The following PARD3 variants were observed in gnomAD, a reference collection of about 807,000 sequenced individuals.
The protein encoded by PARD3 is par-3 family cell polarity regulator, also known as partitioning defective 3 homolog.
Under a neutral mutation model 155.4 loss-of-function variants are expected in PARD3, and 75 were observed. The observed-to-expected ratio is 0.48, with a 90% CI of 0.40 to 0.58. The LOEUF (loss-of-function observed/expected upper bound fraction) is 0.58, where lower values mean the gene tolerates loss of function less well. PARD3 is among the 20% of genes least tolerant of loss of function. The probability of loss-of-function intolerance (pLI) is 0.00; values close to 1 mark genes in which losing one functional copy is unlikely to be tolerated. For synonymous variants in PARD3, 576 were observed against 610.5 expected, an observed-to-expected ratio of 0.94 and a Z score of 0.83; for missense variants, 1,642 against 1,721.7, an observed-to-expected ratio of 0.95 and a Z score of 0.82.
chr10:34,346,509 T>G (rs1589252340), intron 15 of PARD3: 1 of 1,328,320 alleles, frequency 7.5e-7, no homozygotes, highest in Non-Finnish European at 1.0e-6. Context: ...TAGGGACACA[T>G]GCACACTCTC....
chr10:34,691,320 T>C (rs1760209026), intron 2 of PARD3, among the ~76,000 whole-genome samples: 1 of 151,926 alleles, frequency 6.6e-6, no homozygotes, highest in African/African-American at 2.4e-5. Flanking sequence ...AAGAGCCAAA[T>C]CAGAAACACA....
Position 34,769,247 on chromosome 10 carries a change from GA to G in PARD3, c.120+45628del, listed in dbSNP as rs753894372. On this transcript the variant is annotated intron_variant, in intron 1 of 24. Transcript: ENST00000374788. The stretch of plus-strand genomic sequence containing the variant: ...GGATACTGAGCACCACCGGTACGGC[GA>G]CCACCAGGGCTAGGTCTGCCTACCA... Among the ~76,000 whole-genome samples the G allele has an allele frequency of 4.6e-5, 7 of 152,152 alleles. No homozygotes were observed. The East Asian group carries it at 1.4e-3, about 29-fold the overall frequency.
At chr10:34,259,601 T>C (rs1954846917) in intron 22 of PARD3, among the ~76,000 whole-genome samples, 1 of 152,158 alleles carries the variant, frequency 6.6e-6, no homozygotes, top group South Asian at 2.1e-4. Flanking sequence ...CCTGGTGAGA[T>C]AACATTCACA....
At chr10:34,557,380 A>T (rs2085087349) in intron 2 of PARD3, among the ~76,000 whole-genome samples, 1 of 152,116 alleles carries the variant, frequency 6.6e-6, no homozygotes, top group South Asian at 2.1e-4. Context: ...AGGGTCAGCA[A>T]AATCCCAGCA....
intron 21 of PARD3, among the ~76,000 whole-genome samples, chr10:34,278,969 A>G (rs1309190509): frequency 1.3e-5 from 2 of 152,154 alleles, no homozygotes; most frequent in Non-Finnish European, 2.9e-5. Context: ...AGCACCTACA[A>G]TTATTGCCAA....
chr10:34,474,876 T>C (rs2078606629), intron 3 of PARD3, among the ~76,000 whole-genome samples: 1 of 152,208 alleles, frequency 6.6e-6, no homozygotes, highest in Non-Finnish European at 1.5e-5. Context: ...CATAGAACGA[T>C]TTCATTTTGG....
chr10:34,232,489 T>C (rs1195630356), intron 22 of PARD3, among the ~76,000 whole-genome samples: 2 of 152,084 alleles, frequency 1.3e-5, no homozygotes, highest in African/African-American at 4.8e-5. Context: ...CAACAACTTA[T>C]CTTCTGAGAT....
At chr10:34,360,009 G>C in intron 13 of PARD3, 62 bp downstream of exon 13, 2 of 1,274,762 alleles carry the variant, frequency 1.6e-6, no homozygotes, top group Non-Finnish European at 2.2e-6. Context: ...TTCCAAAATA[G>C]GAACAGGGTT....
intron 2 of PARD3, among the ~76,000 whole-genome samples, chr10:34,581,002 A>T (rs1403781641): frequency 2.6e-5 from 4 of 152,200 alleles, no homozygotes; most frequent in African/African-American, 9.6e-5. Flanking sequence ...GTGTGAAGTG[A>T]TATTGTTTTC....
chr10:34,725,154 A>ATGTGT (rs2094684574), intron 1 of PARD3, among the ~76,000 whole-genome samples: 10 of 59,374 alleles, frequency 1.7e-4, no homozygotes, highest in East Asian at 7.8e-4. Flanking sequence ...TGTGTGTGAC[A>ATGTGT]GAGAGAGAGA....
chr10:34,804,452 G>A (rs1432072087), intron 1 of PARD3, among the ~76,000 whole-genome samples: 1 of 152,184 alleles, frequency 6.6e-6, no homozygotes, highest in Non-Finnish European at 1.5e-5. Context: ...ATCCTGTGTT[G>A]TAGTACATCA....
rs79553727 is a variant in PARD3 at position 34,264,390 on chromosome 10, G to C, written c.3419+5267C>G. Among the ~76,000 whole-genome samples, 864 of 152,300 alleles carry C rather than the reference G, an allele frequency of 5.7e-3. 2 individuals carry two copies. Among genetic ancestry groups the C allele is most frequent in the Non-Finnish European group, 8.1e-3 (553 of 68,020 alleles). Reference sequence around the variant, plus strand: ...AGGACCGAACACCATTGAAAGTTGAGAAGCATCTGTATTCAGAACGGTTTT... The same window carrying C: ...AGGACCGAACACCATTGAAAGTTGACAAGCATCTGTATTCAGAACGGTTTT... On this transcript the variant is annotated intron_variant, in intron 22 of 24. Transcript: ENST00000374788.
At chr10:34,424,724 AG>A (rs2075505451) in intron 5 of PARD3, among the ~76,000 whole-genome samples, 1 of 152,064 alleles carries the variant, frequency 6.6e-6, no homozygotes, top group African/African-American at 2.4e-5. Flanking sequence ...CATGTTGCCC[AG>A]GCTGGTCTCA....
intron 2 of PARD3, among the ~76,000 whole-genome samples, chr10:34,606,079 T>A (rs1449851810): frequency 6.8e-6 from 1 of 147,152 alleles, no homozygotes; most frequent in Admixed American, 7.0e-5. Flanking sequence ...CTCCCCTTTA[T>A]ATAGATATAT....
intron 22 of PARD3, among the ~76,000 whole-genome samples, chr10:34,255,443 A>G (rs1270852209): frequency 6.6e-6 from 1 of 152,216 alleles, no homozygotes; most frequent in Admixed American, 6.5e-5. Context: ...TTACCACTGC[A>G]CTGCCTTCTA....
intron 1 of PARD3, among the ~76,000 whole-genome samples, chr10:34,713,977 T>C (rs560742379): frequency 6.6e-6 from 1 of 152,252 alleles, no homozygotes; most frequent in East Asian, 1.9e-4. Flanking sequence ...ACAACCAACC[T>C]GGAAGAACTT....
chr10:34,344,643 C>A (rs1023751531), intron 15 of PARD3: 3 of 985,222 alleles, frequency 3.0e-6, no homozygotes, highest in Non-Finnish European at 3.6e-6. Flanking sequence ...ATGTTTAAGG[C>A]TTTTCAAAGG....
chr10:34,488,238 G>A (rs2079605611), intron 3 of PARD3, among the ~76,000 whole-genome samples: 1 of 152,146 alleles, frequency 6.6e-6, no homozygotes, highest in Admixed American at 6.5e-5. Flanking sequence ...AACTTCCACT[G>A]TAATCTCCAT....
At chr10:34,225,886 T>C (rs1564497934) in intron 22 of PARD3, among the ~76,000 whole-genome samples, 1 of 151,966 alleles carries the variant, frequency 6.6e-6, no homozygotes, top group Non-Finnish European at 1.5e-5. Context: ...AGTTGAAAAA[T>C]TGGATTCATC....
Sources: allele counts gnomAD v4.1 joint callset (sites outside exome capture counted in the v4.1 genomes callset), GRCh38; gene constraint gnomAD v4.1.1; transcripts MANE v1.5; gene names NCBI Gene and HGNC (gene_info 2026-07-23, HGNC 2026-07-21).